Variants in NAV2 observed in about 807,000 individuals in gnomAD.
NAV2 encodes neuron navigator 2, also known as helicase, APC down-regulated 1.
NAV2 carries 54 observed loss-of-function variants against 223.2 expected under a neutral mutation model. The observed-to-expected ratio is 0.24, with a 90% CI of 0.19 to 0.30. NAV2 has a LOEUF of 0.30. NAV2 is among the 10% of genes least tolerant of loss of function. The pLI is 1.00. For missense variants in NAV2, 2,806 were observed against 3,147.5 expected, an observed-to-expected ratio of 0.89 and a Z score of 2.60; for synonymous variants, 1,279 against 1,239.3, an observed-to-expected ratio of 1.03 and a Z score of -0.67.
intron 1 of NAV2, among the ~76,000 whole-genome samples, chr11:19,622,268 A>G (rs2047021459): frequency 6.6e-6 from 1 of 152,210 alleles, no homozygotes; most frequent in Admixed American, 6.5e-5. Context: ...GATGTCTATT[A>G]GGTCTGCTTG....
chr11:20,036,811 G>A (rs1402852853), intron 12 of NAV2, among the ~76,000 whole-genome samples: 1 of 152,150 alleles, frequency 6.6e-6, no homozygotes, highest in East Asian at 1.9e-4. Flanking sequence ...TCCTGCTCCA[G>A]TGTGCACAGC....
chr11:19,947,356 G>A (rs1279260155), intron 9 of NAV2, among the ~76,000 whole-genome samples: 1 of 152,212 alleles, frequency 6.6e-6, no homozygotes, highest in Non-Finnish European at 1.5e-5. Flanking sequence ...CAGCTTAAGG[G>A]ACCAAATTGG....
chr11:19,638,870 G>A (rs911414557), intron 1 of NAV2, among the ~76,000 whole-genome samples: 9 of 152,186 alleles, frequency 5.9e-5, no homozygotes, highest in African/African-American at 2.2e-4. Context: ...GCGCACACCT[G>A]TAATCCCAGC....
At chr11:19,567,492 G>A (rs951280603) in intron 1 of NAV2, among the ~76,000 whole-genome samples, 7 of 152,182 alleles carry the variant, frequency 4.6e-5, no homozygotes, top group Admixed American at 2.0e-4. Context: ...GTCCAGAGAG[G>A]TTGAGTGATT....
intron 1 of NAV2, among the ~76,000 whole-genome samples, chr11:19,486,283 G>C (rs913513713): frequency 6.6e-6 from 1 of 152,092 alleles, no homozygotes; most frequent in African/African-American, 2.4e-5. Context: ...GGGACCCTGT[G>C]CCTCTGAAGC....
At chr11:19,453,673 G>A (rs1481446825) in intron 1 of NAV2, among the ~76,000 whole-genome samples, 2 of 152,144 alleles carry the variant, frequency 1.3e-5, no homozygotes, top group African/African-American at 4.8e-5. Context: ...CCTTGGAGCG[G>A]AGGCCATGTC....
intron 11 of NAV2, among the ~76,000 whole-genome samples, chr11:20,011,900 A>G (rs2053589786): frequency 6.6e-6 from 1 of 152,236 alleles, no homozygotes; most frequent in African/African-American, 2.4e-5. Context: ...TGCAAAGACC[A>G]TTCTTGGACC....
chr11:19,898,363 A>G (rs7106863), intron 6 of NAV2, among the ~76,000 whole-genome samples: 34,536 of 152,092 alleles, frequency 0.23, 4,475 homozygotes, highest in East Asian at 0.46. Context: ...TTTTATGCAC[A>G]TATGATCACA....
chr11:19,712,740 G>A (rs1565189774), upstream of NAV2: 1 of 152,060 alleles, frequency 6.6e-6, no homozygotes, highest in East Asian at 1.9e-4. Flanking sequence ...TCTTTGCAGT[G>A]AGACCCGCGG....
At chr11:19,905,904 A>G (rs541333804) in intron 6 of NAV2, among the ~76,000 whole-genome samples, 29 of 152,290 alleles carry the variant, frequency 1.9e-4, no homozygotes, top group Non-Finnish European at 3.7e-4. Context: ...TGTGGGAGCG[A>G]ACCTTTTTTT....
At chr11:19,572,282 G>A (rs1187106098) in intron 1 of NAV2, among the ~76,000 whole-genome samples, 1 of 152,204 alleles carries the variant, frequency 6.6e-6, no homozygotes, top group Non-Finnish European at 1.5e-5. Flanking sequence ...ATCAGGGACT[G>A]GAAGAGGCCT....
At chr11:19,926,911 A>T (rs2044803694) in intron 6 of NAV2, among the ~76,000 whole-genome samples, 1 of 152,150 alleles carries the variant, frequency 6.6e-6, no homozygotes, top group African/African-American at 2.4e-5. Context: ...ACATCTCCCT[A>T]ACTGAAAAGC....
intron 1 of NAV2, among the ~76,000 whole-genome samples, chr11:19,496,839 GAAACA>G (rs1214560057): frequency 1.3e-5 from 2 of 152,094 alleles, no homozygotes; most frequent in Non-Finnish European, 2.9e-5. Context: ...AACAAAAACA[GAAACA>G]AAACAAAACA....
intron 1 of NAV2, among the ~76,000 whole-genome samples, chr11:19,642,113 C>T (rs1282713016): frequency 1.3e-5 from 2 of 152,176 alleles, no homozygotes; most frequent in African/African-American, 4.8e-5. Context: ...ATGAAGACTC[C>T]TCTCTGGGGG....
chr11:19,515,620 T>C (rs1178008073), intron 1 of NAV2, among the ~76,000 whole-genome samples: 2 of 152,354 alleles, frequency 1.3e-5, no homozygotes, highest in East Asian at 1.9e-4. Context: ...TTCAGCAGCA[T>C]CTTAAATAGT....
chr11:20,050,921 G>A (rs1306339115), intron 16 of NAV2, among the ~76,000 whole-genome samples: 2 of 152,250 alleles, frequency 1.3e-5, no homozygotes, highest in African/African-American at 4.8e-5. Context: ...CCCTCTCTCT[G>A]AGAAGCCGTG....
rs61377837 is a variant in NAV2 at position 19,588,513 on chromosome 11, G to GA, written c.75+237488dup. Among the ~76,000 whole-genome samples, 1,053 of 152,240 alleles carry GA rather than the reference G, an allele frequency of 6.9e-3. 5 individuals carry two copies. Among genetic ancestry groups the GA allele is most frequent in the South Asian group, 0.039 (189 of 4,814 alleles). On this transcript the variant is annotated intron_variant, in intron 1 of 37. Transcript: ENST00000360655. ...AATGTCTGCCATAGGCAGAGAAAAG[G>GA]AAGATGATAAACAAAGTCCTGTGTA...
chr11:20,098,515 T>C (rs927895069), intron 31 of NAV2, among the ~76,000 whole-genome samples: 10 of 152,258 alleles, frequency 6.6e-5, no homozygotes, highest in Non-Finnish European at 1.3e-4. Context: ...CTCATTCTTT[T>C]GTGTTGTCTC....
chr11:20,082,555 C>T, intron 25 of NAV2: 4 of 1,613,108 alleles, frequency 2.5e-6, no homozygotes, highest in Non-Finnish European at 3.4e-6. Flanking sequence ...CTTTTTTCCT[C>T]CCCCTTCCCC....
Sources: gnomAD v4.1 joint callset for allele counts (sites outside exome capture counted in the v4.1 genomes callset) on GRCh38, gnomAD v4.1.1 for gene constraint, MANE v1.5 for transcripts, NCBI Gene and HGNC (gene_info 2026-07-23, HGNC 2026-07-21) for gene names.